The following STIM2 variants were observed in gnomAD, a reference collection of about 807,000 sequenced individuals.
STIM2 encodes stromal interaction molecule 2.
In STIM2, 31 loss-of-function variants were observed where a neutral mutation model predicts 85.8. That is an observed-to-expected ratio of 0.36 (90% CI 0.27 to 0.49). The LOEUF (loss-of-function observed/expected upper bound fraction) is 0.49. Among genes scored for constraint, STIM2 ranks in the 20% least tolerant of loss-of-function variants. STIM2 has a pLI of 0.98. For synonymous variants in STIM2, 356 were observed against 331.1 expected (o/e 1.08, Z -0.82); for missense variants, 841 against 927.6 (o/e 0.91, Z 1.21).
chr4:26,871,704 C>CTTTTT (rs35869869), intron 1 of STIM2, among the ~76,000 whole-genome samples: 1 of 129,524 alleles, frequency 7.7e-6, no homozygotes, highest in African/African-American at 2.9e-5. Context: ...TGTTTTCACC[C>CTTTTT]TTTTTTTTTT....
At chr4:26,989,716 C>A (rs1321584134) in intron 3 of STIM2, among the ~76,000 whole-genome samples, 2 of 152,088 alleles carry the variant, frequency 1.3e-5, no homozygotes, top group Admixed American at 6.6e-5. Flanking sequence ...TTAGAAAAAC[C>A]TAGACTTCAC....
intron 7 of STIM2, among the ~76,000 whole-genome samples, chr4:27,004,969 A>G (rs1286938820): frequency 6.6e-5 from 10 of 152,198 alleles, no homozygotes; most frequent in South Asian, 2.1e-4. Flanking sequence ...TAGAGAGGCT[A>G]GATAACTTAC....
intron 1 of STIM2, among the ~76,000 whole-genome samples, chr4:26,874,820 C>A (rs1172540823): frequency 1.3e-5 from 2 of 152,120 alleles, no homozygotes; most frequent in Non-Finnish European, 2.9e-5. Flanking sequence ...CTGCTGTGTG[C>A]TAGACAGCAG....
chr4:27,011,266 T>G (rs1422521779), intron 10 of STIM2, among the ~76,000 whole-genome samples: 3 of 152,232 alleles, frequency 2.0e-5, no homozygotes, highest in Non-Finnish European at 4.4e-5. Flanking sequence ...CTCTTTTTGC[T>G]CAAAAGTTAT....
intron 3 of STIM2, among the ~76,000 whole-genome samples, chr4:26,976,578 C>T (rs1282714055): frequency 6.6e-6 from 1 of 151,910 alleles, no homozygotes; most frequent in East Asian, 1.9e-4. Flanking sequence ...GAGGTCTAGG[C>T]AGGTGGATCA....
intron 4 of STIM2, among the ~76,000 whole-genome samples, chr4:26,997,258 C>G (rs1727990688): frequency 6.6e-6 from 1 of 152,130 alleles, no homozygotes; most frequent in Admixed American, 6.6e-5. Flanking sequence ...AAATGTATTA[C>G]ATATTCTATA....
intron 2 of STIM2, among the ~76,000 whole-genome samples, chr4:26,920,682 C>T (rs1352831746): frequency 6.6e-6 from 1 of 152,086 alleles, no homozygotes; most frequent in Non-Finnish European, 1.5e-5. Flanking sequence ...CTATACAAAA[C>T]GTTTATTTGA....
intron 2 of STIM2, among the ~76,000 whole-genome samples, chr4:26,933,111 G>A (rs1167311401): frequency 1.3e-5 from 2 of 151,578 alleles, no homozygotes; most frequent in Admixed American, 6.6e-5. Context: ...TCTGTACCCC[G>A]GATATATTAG....
chr4:26,923,325 T>C (rs1724880603), intron 2 of STIM2, among the ~76,000 whole-genome samples: 1 of 151,734 alleles, frequency 6.6e-6, no homozygotes. Flanking sequence ...GCGCCTCTCC[T>C]CCTCCAAAGG....
Position 27,022,597 on chromosome 4 carries a change from C to T in STIM2, c.1842C>T (p.Leu614=), listed in dbSNP as rs760252545. Residue 614 remains leucine, a synonymous_variant, in exon 12 of 12, where the codon CTC becomes CTT. Transcript: ENST00000467087. The stretch of plus-strand genomic sequence containing the variant: ...GGAAACAGTCTCCTCCTTTAAGCCT[C>T]GAGATATACCAAACATTATCTCCGC... The T allele has an allele frequency of 3.7e-6, 6 of 1,613,776 alleles. No individual in the cohort carries two copies. The highest frequency in any genetic ancestry group is 5.1e-6 in the Non-Finnish European group (6 of 1,179,678).
chr4:27,014,214 T>C (rs960879113), intron 10 of STIM2, among the ~76,000 whole-genome samples: 1 of 151,912 alleles, frequency 6.6e-6, no homozygotes, highest in Non-Finnish European at 1.5e-5. Context: ...TTTATTTCCT[T>C]TCTTGGAATT....
intron 3 of STIM2, among the ~76,000 whole-genome samples, chr4:26,960,764 T>C (rs974269871): frequency 6.6e-6 from 1 of 152,122 alleles, no homozygotes; most frequent in African/African-American, 2.4e-5. Flanking sequence ...TTAACAGTAT[T>C]AATAAAAATA....
At chr4:26,908,490 T>G (rs1724212598) in intron 1 of STIM2, among the ~76,000 whole-genome samples, 1 of 152,190 alleles carries the variant, frequency 6.6e-6, no homozygotes, top group Non-Finnish European at 1.5e-5. Flanking sequence ...TTTGTTTGTT[T>G]GTTTGCTTGT....
rs1728444456 is a variant in STIM2 at position 27,008,448 on chromosome 4, G to C, written c.1170G>C (p.Lys390Asn). ...TCTAGGCAGAAAAAATTAAAAAGAA[G>C]AGAAGCACAGTCTTTGGGACTCTGC... Residue 390 changes from lysine to asparagine, a missense_variant, in exon 9 of 12, where the codon AAG (lysine) becomes AAC (asparagine). By Grantham distance (94) the Lys-to-Asn change is moderately conservative. This residue lies in a region of STIM2 where 408 missense variants were observed against 525.4 expected (regional missense o/e 0.78). Transcript: ENST00000467087. 1 of 1,587,808 alleles carries C rather than the reference G, an allele frequency of 6.3e-7. No homozygotes were observed.
At chr4:26,961,431 T>C (rs1452596489) in intron 3 of STIM2, among the ~76,000 whole-genome samples, 1 of 152,152 alleles carries the variant, frequency 6.6e-6, no homozygotes, top group Non-Finnish European at 1.5e-5. Flanking sequence ...TAGTGGCACA[T>C]AAAGTAATTC....
At chr4:27,009,131 T>C in intron 10 of STIM2, 129 bp downstream of exon 10, 2 of 693,404 alleles carry the variant, frequency 2.9e-6, no homozygotes, top group East Asian at 5.3e-5. Flanking sequence ...TTCTCTTTCT[T>C]TTTGTTAGTA....
intron 1 of STIM2, chr4:26,874,340 G>GAGGGTGT (rs1261118414): frequency 2.1e-4 from 63 of 294,360 alleles, no homozygotes; most frequent in African/African-American, 1.3e-3. Flanking sequence ...CCCTGCCGCT[G>GAGGGTGT]AGAAGCCATC....
intron 1 of STIM2, among the ~76,000 whole-genome samples, chr4:26,918,729 A>G (rs1378532125): frequency 6.6e-6 from 1 of 152,194 alleles, no homozygotes; most frequent in African/African-American, 2.4e-5. Context: ...GTGCACAGGA[A>G]GTAATTTCCA....
chr4:26,885,824 TA>T (rs1723199620), intron 1 of STIM2, among the ~76,000 whole-genome samples: 1 of 10,120 alleles, frequency 9.9e-5, no homozygotes, highest in Non-Finnish European at 1.7e-4. Flanking sequence ...CCTCAGGTTA[TA>T]TATATATATA....
Sources: gnomAD v4.1 joint callset for allele counts (sites outside exome capture counted in the v4.1 genomes callset) on GRCh38, gnomAD v4.1.1 for gene constraint, gnomAD v4.1.1 regional missense constraint, MANE v1.5 for transcripts, NCBI Gene and HGNC (gene_info 2026-07-23, HGNC 2026-07-21) for gene names.